Variants in F8 observed in about 807,000 individuals in gnomAD.
The protein encoded by F8 is coagulation factor VIII.
Under a neutral mutation model 140.6 loss-of-function variants are expected in F8, and 12 were observed. That is an observed-to-expected ratio of 0.09 (90% CI 0.05 to 0.14). F8 has a LOEUF of 0.14. F8 is among the 10% of genes least tolerant of loss of function. F8 has a pLI of 1.00. For synonymous variants in F8, 585 were observed against 614.6 expected (o/e 0.95, Z 0.71); for missense variants, 1,354 against 1,720.7 (o/e 0.79, Z 3.77).
chrX:154,939,759 AC>A (rs1347024743), intron 13 of F8, among the ~76,000 whole-genome samples: 1 of 111,568 alleles, frequency 9.0e-6, no homozygotes, highest in Non-Finnish European at 1.9e-5. Context: ...ACTGGGAGGC[AC>A]CCCCCAGTAG....
At chrX:154,922,549 A>C (rs1455623047) in intron 14 of F8, among the ~76,000 whole-genome samples, 1 of 112,254 alleles carries the variant, frequency 8.9e-6, no homozygotes, top group African/African-American at 3.2e-5. Flanking sequence ...GGCACTGTTA[A>C]GTGCATTGAA....
chrX:154,908,652 C>T (rs782493491), intron 14 of F8, among the ~76,000 whole-genome samples: 1 of 111,697 alleles, frequency 9.0e-6, no homozygotes, highest in South Asian at 3.7e-4. Context: ...TTTCCATAGA[C>T]ATTTTGCAAA....
At chrX:154,980,443 A>G (rs1296029817) in intron 6 of F8, among the ~76,000 whole-genome samples, 1 of 111,993 alleles carries the variant, frequency 8.9e-6, no homozygotes, top group Non-Finnish European at 1.9e-5. Context: ...TTTTCTTAAA[A>G]TAGCTATTTT....
chrX:154,866,768 C>A (rs2072734058), intron 22 of F8, among the ~76,000 whole-genome samples: 1 of 108,469 alleles, frequency 9.2e-6, no homozygotes. Context: ...ATAAACAACC[C>A]AACTTATCAC....
At chrX:154,932,839 C>G (rs2073205170) in intron 13 of F8, among the ~76,000 whole-genome samples, 1 of 110,474 alleles carries the variant, frequency 9.1e-6, no homozygotes, top group Admixed American at 9.6e-5. Context: ...CAGACTGGAG[C>G]AGGGGGATGC....
intron 9 of F8, among the ~76,000 whole-genome samples, chrX:154,961,853 G>A (rs1557281610): frequency 9.0e-6 from 1 of 111,087 alleles, no homozygotes; most frequent in Non-Finnish European, 1.9e-5. Context: ...TAAAGACGTG[G>A]TGGATTCCCC....
intron 25 of F8, among the ~76,000 whole-genome samples, chrX:154,842,797 TTTC>T (rs1242158968): frequency 8.9e-6 from 1 of 112,062 alleles, no homozygotes; most frequent in Non-Finnish European, 1.9e-5. Context: ...AATTTTGCAA[TTTC>T]TTTTTTTTTA....
At chrX:154,867,134 G>A (rs1179947594) in intron 22 of F8, among the ~76,000 whole-genome samples, 2 of 111,239 alleles carry the variant, frequency 1.8e-5, no homozygotes, top group Non-Finnish European at 3.8e-5. Context: ...TACCAAAACT[G>A]AATAACAAAG....
At chrX:154,995,384 C>G (rs954681742) in intron 3 of F8, among the ~76,000 whole-genome samples, 1 of 111,587 alleles carries the variant, frequency 9.0e-6, no homozygotes, top group Non-Finnish European at 1.9e-5. Flanking sequence ...AGGTGAGATA[C>G]CATTCAGTGT....
At chrX:154,976,278 T>C (rs1047581718) in intron 6 of F8, among the ~76,000 whole-genome samples, 2 of 111,936 alleles carry the variant, frequency 1.8e-5, no homozygotes, top group Non-Finnish European at 3.8e-5. Flanking sequence ...TTTGTTTACA[T>C]GTGCATGGAA....
At chrX:154,967,800 T>C (rs782013013) in intron 7 of F8, among the ~76,000 whole-genome samples, 4 of 111,942 alleles carry the variant, frequency 3.6e-5, no homozygotes, top group Non-Finnish European at 7.5e-5. Flanking sequence ...CTGTTACTCA[T>C]TCAGTATGAC....
rs1316326198 is a variant in F8, at chrX:154,876,557, T to TG, written c.6430-13331dup. ...TTCTTTTTTATAAATATATCTGTATTGGGGGGTTAAAATAGAATGAATAAC... is the reference window on the plus strand; with the variant it reads ...TTCTTTTTTATAAATATATCTGTATTGGGGGGGTTAAAATAGAATGAATAAC... On this transcript the variant is annotated intron_variant, in intron 22 of 25. Transcript: ENST00000360256. Among the ~76,000 whole-genome samples, 8 of 111,905 alleles carry TG rather than the reference T, an allele frequency of 7.1e-5. No homozygotes were observed. In the Admixed American group the frequency reaches 7.6e-4, roughly 11 times the overall value.
In F8 at chrX:154,966,103, C is replaced by G; in HGVS notation, c.1310G>C (p.Arg437Pro). ...GACTTTTTTGTACTTCCTACCAATC[C>G]GCTGAGGGCCATTGTTCAAATATTG... Reference protein sequence around the residue: ...KSQYLNNGPQRIGRKYKKVRF... With the variant: ...KSQYLNNGPQPIGRKYKKVRF... The change falls in exon 9 of 26, where the codon CGG becomes CCG. Residue 437 changes from arginine to proline, a missense_variant. Coordinates refer to ENST00000360256, the MANE Select transcript of F8 (RefSeq NM_000132.4). The G allele has an allele frequency of 8.3e-7, 1 of 1,210,378 alleles. No homozygotes were observed. The highest frequency in any genetic ancestry group is 1.1e-6 in the Non-Finnish European group (1 of 894,819).
At chrX:154,996,559 G>A (rs1437957871) in intron 3 of F8, among the ~76,000 whole-genome samples, 1 of 112,031 alleles carries the variant, frequency 8.9e-6, no homozygotes, top group East Asian at 2.8e-4. Context: ...GGCCAAGGAG[G>A]TGGGATACCC....
chrX:154,986,876 A>G (rs2073561428), intron 5 of F8, among the ~76,000 whole-genome samples: 1 of 111,852 alleles, frequency 8.9e-6, no homozygotes. Flanking sequence ...CTTATGAAAA[A>G]TGTACTATTA....
rs782512791 is a variant in F8, at chrX:154,957,176, C to T, written c.1538-5G>A. 5.9e-6 allele frequency: 7 copies of T among 1,183,054 alleles called. No homozygotes were observed. The highest frequency in any genetic ancestry group is 8.0e-6 in the Non-Finnish European group (7 of 872,380). On this transcript the variant is annotated splice_polypyrimidine_tract_variant and splice_region_variant and intron_variant, in intron 10 of 25. Transcript: ENST00000360256. ...AATCCTTCAAATGTTTTACACCTAC[C>T]CACAAGCAAAACCATAAATAGCTCA...
intron 13 of F8, among the ~76,000 whole-genome samples, chrX:154,932,396 C>T (rs1665555734): frequency 8.9e-6 from 1 of 111,943 alleles, no homozygotes; most frequent in South Asian, 3.7e-4. Flanking sequence ...TTATAATAGG[C>T]TAATTACATG....
rs186228064 is a variant in F8, at chrX:154,938,163, T to G, written c.2114-6487A>C. ...CTTATTTGTTTTTTTGCTTTTTTTT[T>G]GTTTTGTGTGACAATTCTTTAAAAA... On this transcript the variant is annotated intron_variant, in intron 13 of 25. Coordinates refer to ENST00000360256, the MANE Select transcript of F8 (RefSeq NM_000132.4). Among the ~76,000 whole-genome samples, 381 of 111,579 alleles carry G rather than the reference T, an allele frequency of 3.4e-3. 7 individuals are homozygous for G. In the East Asian group the frequency reaches 0.045, roughly 13 times the overall value.
chrX:154,914,637 C>T (rs371768421), intron 14 of F8, among the ~76,000 whole-genome samples: 31 of 112,098 alleles, frequency 2.8e-4, no homozygotes, highest in African/African-American at 9.7e-4. Flanking sequence ...CTAACAAGTT[C>T]GTCATCTCCA....
Sources: allele counts gnomAD v4.1 joint callset (sites outside exome capture counted in the v4.1 genomes callset), GRCh38; gene constraint gnomAD v4.1.1; transcripts MANE v1.5; gene names NCBI Gene and HGNC (gene_info 2026-07-23, HGNC 2026-07-21).